The following KCNH7 variants were observed in gnomAD, a reference collection of about 807,000 sequenced individuals.
KCNH7 encodes voltage-gated inwardly rectifying potassium channel KCNH7.
In KCNH7, 49 loss-of-function variants were observed where a neutral mutation model predicts 120.8. The observed-to-expected ratio is 0.41, with a 90% CI of 0.32 to 0.51. KCNH7 has a LOEUF of 0.51. Ranked by LOEUF, KCNH7 falls within the 20% of genes least tolerant of loss-of-function variation. The pLI, the probability that KCNH7 is intolerant of heterozygous loss-of-function variation, is 0.38. For synonymous variants in KCNH7, 547 were observed against 516.1 expected (o/e 1.06, Z -0.81); for missense variants, 1,097 against 1,446.6 (o/e 0.76, Z 3.92).
At position 162,423,553 on chromosome 2, in the gene KCNH7, C is replaced by T; in HGVS notation, c.1955-18G>A. ...CATTAGTGCTGGATTGGATAAAAAA[C>T]AAAGTTATCGGGGAAACTGCACATA... On this transcript the variant is annotated intron_variant, in intron 8 of 15. Coordinates refer to ENST00000332142, the MANE Select transcript of KCNH7 (RefSeq NM_033272.4). The T allele has an allele frequency of 5.0e-6, 8 of 1,606,492 alleles. No homozygotes were observed. The highest frequency in any genetic ancestry group is 1.1e-5 in the South Asian group (1 of 90,560).
intron 6 of KCNH7, among the ~76,000 whole-genome samples, chr2:162,494,792 T>C (rs1013490951): frequency 2.0e-5 from 3 of 152,130 alleles, no homozygotes; most frequent in African/African-American, 7.2e-5. Flanking sequence ...TTGGAGATTG[T>C]GGCATTGGAA....
intron 2 of KCNH7, among the ~76,000 whole-genome samples, chr2:162,713,316 T>C (rs1395852547): frequency 6.6e-6 from 1 of 152,194 alleles, no homozygotes; most frequent in Non-Finnish European, 1.5e-5. Flanking sequence ...TTAAGAAAAC[T>C]GCTGTTTGAG....
intron 2 of KCNH7, among the ~76,000 whole-genome samples, chr2:162,586,243 T>C (rs1694015536): frequency 6.6e-6 from 1 of 152,080 alleles, no homozygotes; most frequent in South Asian, 2.1e-4. Flanking sequence ...CTTTGACTAA[T>C]AGAATGTGCA....
rs16847254 is a variant in KCNH7 at position 162,763,558 on chromosome 2, C to T, written c.307+72979G>A. ...TTGTTAGAAAATACGATGGCCAGAG[C>T]TTGATGCATCCATAGAGAGTAAACA... On this transcript the variant is annotated intron_variant, in intron 2 of 15. Transcript: ENST00000332142. Among the ~76,000 whole-genome samples, 647 of 152,092 alleles carry T rather than the reference C, an allele frequency of 4.3e-3. 10 individuals carry two copies. The East Asian group carries it at 0.048, about 11-fold the overall frequency.
intron 11 of KCNH7, 72 bp from the exon 12 acceptor site, chr2:162,394,557 G>T (rs1441444632): frequency 4.5e-5 from 39 of 867,890 alleles, no homozygotes; most frequent in Non-Finnish European, 5.6e-6. Context: ...TCAGTAAACT[G>T]TTTACTATTT....
At chr2:162,706,184 T>G (rs1334864216) in intron 2 of KCNH7, among the ~76,000 whole-genome samples, 1 of 152,150 alleles carries the variant, frequency 6.6e-6, no homozygotes, top group Non-Finnish European at 1.5e-5. Context: ...TTAGCCAACC[T>G]AGTAAACCTT....
intron 2 of KCNH7, among the ~76,000 whole-genome samples, chr2:162,827,771 A>G (rs1026775441): frequency 1.3e-5 from 2 of 152,160 alleles, no homozygotes; most frequent in African/African-American, 4.8e-5. Flanking sequence ...ACATTTCCAC[A>G]TTGCTCTGTG....
rs983101655 is a variant in KCNH7 at position 162,504,415 on chromosome 2, T to G, written c.1128+28A>C. 5 of 1,529,280 alleles carry G rather than the reference T, an allele frequency of 3.3e-6. No individual in the cohort carries two copies. In the African/African-American group the frequency reaches 6.9e-5, roughly 21 times the overall value. The allele number at this position is 1,529,280 out of a possible 1,614,324, so 94.7% of individuals were successfully genotyped here. On this transcript the variant is annotated intron_variant, in intron 6 of 15. Transcript: ENST00000332142. ...TGCAGAAACAAACCTCTAAAACAGT[T>G]GAAATTGATAAGAAAATTGTGTCCT...
intron 2 of KCNH7, among the ~76,000 whole-genome samples, chr2:162,706,173 CT>C (rs1252192306): frequency 6.6e-6 from 1 of 152,094 alleles, no homozygotes; most frequent in African/African-American, 2.4e-5. Context: ...GTTTGGATGT[CT>C]TAGCCAACCT....
At chr2:162,698,391 A>G (rs1271880018) in intron 2 of KCNH7, among the ~76,000 whole-genome samples, 2 of 150,200 alleles carry the variant, frequency 1.3e-5, no homozygotes, top group Non-Finnish European at 3.0e-5. Flanking sequence ...CAGTGAATGT[A>G]TATTTTTTTT....
chr2:162,640,366 A>G (rs1434682073), intron 2 of KCNH7, among the ~76,000 whole-genome samples: 4 of 152,142 alleles, frequency 2.6e-5, no homozygotes, highest in African/African-American at 9.6e-5. Flanking sequence ...GATCCATGGA[A>G]TATAACACAG....
chr2:162,634,541 G>A (rs1251984232), intron 2 of KCNH7, among the ~76,000 whole-genome samples: 1 of 152,150 alleles, frequency 6.6e-6, no homozygotes, highest in East Asian at 1.9e-4. Flanking sequence ...GTTGCAGCAG[G>A]AACTAAGAAT....
intron 6 of KCNH7, among the ~76,000 whole-genome samples, chr2:162,488,580 A>G (rs892708964): frequency 6.6e-6 from 1 of 152,280 alleles, no homozygotes; most frequent in South Asian, 2.1e-4. Flanking sequence ...CTAAAAGCTT[A>G]TAAGTAACAA....
chr2:162,376,362 TG>T (rs1369857848), intron 14 of KCNH7, among the ~76,000 whole-genome samples: 1 of 146,586 alleles, frequency 6.8e-6, no homozygotes, highest in African/African-American at 2.6e-5. Flanking sequence ...ACTCAAAGTG[TG>T]GTTTGTTTTT....
chr2:162,794,924 A>G (rs1179401766), intron 2 of KCNH7, among the ~76,000 whole-genome samples: 1 of 152,038 alleles, frequency 6.6e-6, no homozygotes, highest in Non-Finnish European at 1.5e-5. Flanking sequence ...AAAAGTTCTG[A>G]TTCATGACCT....
At position 162,399,465 on chromosome 2, in the gene KCNH7, G is replaced by A. The variant is rs182857080; in HGVS notation, c.2407+724C>T. 2.0e-3 allele frequency among the ~76,000 whole-genome samples: 305 copies of A among 151,748 alleles called. 1 individual carries two copies. The highest frequency in any genetic ancestry group is 3.7e-3 in the Non-Finnish European group (250 of 67,864). ...TATACGTGTGCCATGTTGGTGTGCT[G>A]CACCCATTAACTCATCATTTACATT... On this transcript the variant is annotated intron_variant, in intron 10 of 15. Transcript: ENST00000332142.
chr2:162,408,560 C>A (rs1687297162), intron 9 of KCNH7, among the ~76,000 whole-genome samples: 1 of 151,888 alleles, frequency 6.6e-6, no homozygotes, highest in Admixed American at 6.6e-5. Flanking sequence ...GCCAGCTGAA[C>A]TTGTTAATGG....
rs139722752 is a variant in KCNH7, at chr2:162,807,170, G to A, written c.307+29367C>T. ...TCAAGCCTATAATCCCAGCACTTTG[G>A]GAGGCCAAGGCGGGTGGATCACTTG... On this transcript the variant is annotated intron_variant, in intron 2 of 15. Coordinates refer to ENST00000332142, the MANE Select transcript of KCNH7 (RefSeq NM_033272.4). 4.3e-4 allele frequency among the ~76,000 whole-genome samples: 65 copies of A among 149,878 alleles called. No individual in the cohort carries two copies. The East Asian group carries it at 0.01, about 23-fold the overall frequency.
At chr2:162,512,010 A>G (rs1429763612) in intron 5 of KCNH7, among the ~76,000 whole-genome samples, 1 of 151,782 alleles carries the variant, frequency 6.6e-6, no homozygotes, top group Non-Finnish European at 1.5e-5. Flanking sequence ...TTGAATTCCA[A>G]ATTTTCAGCC....
Sources: gnomAD v4.1 joint callset for allele counts (sites outside exome capture counted in the v4.1 genomes callset) on GRCh38, gnomAD v4.1.1 for gene constraint, MANE v1.5 for transcripts, NCBI Gene and HGNC (gene_info 2026-07-23, HGNC 2026-07-21) for gene names.